Variants in ANXA2 observed in about 807,000 individuals in gnomAD.
ANXA2 encodes annexin A2.
Under a neutral mutation model 47.3 loss-of-function variants are expected in ANXA2, and 28 were observed. The observed-to-expected ratio is 0.59, with a 90% confidence interval of 0.44 to 0.81. ANXA2 has a LOEUF of 0.81. Among genes scored for constraint, ANXA2 ranks in the 40% least tolerant of loss-of-function variants. ANXA2 has a pLI of 0.00. For missense variants in ANXA2, 384 were observed against 414.3 expected, an observed-to-expected ratio of 0.93 and a Z score of 0.64; for synonymous variants, 172 against 155.5, an observed-to-expected ratio of 1.11 and a Z score of -0.79.
intron 1 of ANXA2, 93 bp downstream of exon 1, chr15:60,397,850 G>C: frequency 1.4e-6 from 2 of 1,389,306 alleles, no homozygotes; most frequent in South Asian, 1.6e-5. Flanking sequence ...CAGTTGCCGG[G>C]GCCTCCCTGC....
chr15:60,349,320 T>G, intron 11 of ANXA2, 123 bp from the exon 12 acceptor site: 1 of 1,028,168 alleles, frequency 9.7e-7, no homozygotes, highest in Admixed American at 2.2e-5. Context: ...TCCAAAACTT[T>G]TTCAGTGCCG....
intron 3 of ANXA2, among the ~76,000 whole-genome samples, chr15:60,366,403 G>GCGCCTCTTCCCGGCCGGCCGC (rs1204625106): frequency 6.7e-6 from 1 of 150,362 alleles, no homozygotes; most frequent in Non-Finnish European, 1.5e-5. Flanking sequence ...GAAGTGAGGA[G>GCGCCTCTTCCCGGCCGGCCGC]CATCTCTGCG....
chr15:60,357,809 T>C (rs935956745), intron 5 of ANXA2, among the ~76,000 whole-genome samples: 1 of 149,432 alleles, frequency 6.7e-6, no homozygotes, highest in Non-Finnish European at 1.5e-5. Flanking sequence ...AAAAAAAAAG[T>C]AGTGAATAGG....
chr15:60,377,653 C>G (rs1229419338), intron 3 of ANXA2, among the ~76,000 whole-genome samples: 1 of 152,078 alleles, frequency 6.6e-6, no homozygotes, highest in Non-Finnish European at 1.5e-5. Flanking sequence ...AATGCTGGCA[C>G]AGAGACAAAG....
intron 12 of ANXA2, among the ~76,000 whole-genome samples, chr15:60,348,823 T>A (rs1314418636): frequency 6.6e-6 from 1 of 151,892 alleles, no homozygotes; most frequent in African/African-American, 2.4e-5. Context: ...AGGATCATCG[T>A]CATGAACACC....
rs555888299 is a variant in ANXA2, at chr15:60,375,920, A to G, written c.148+6422T>C. ...ATGCTGTGCACTGGCCCAGGCTGAG[A>G]GGTAAATGGGAACTGCGCAGATGTT... On this transcript the variant is annotated intron_variant, in intron 3 of 12. Transcript: ENST00000451270. Among the ~76,000 whole-genome samples the G allele has an allele frequency of 7.7e-4, 117 of 152,234 alleles. No individual in the cohort carries two copies. In the Middle Eastern group the frequency reaches 0.01, roughly 13 times the overall value.
Position 60,352,189 on chromosome 15 carries a change from C to T in ANXA2, c.682+194G>A, listed in dbSNP as rs763612094. Among the ~76,000 whole-genome samples the T allele has an allele frequency of 2.6e-5, 4 of 152,168 alleles. No homozygotes were observed. Among genetic ancestry groups the T allele is most frequent in the Non-Finnish European group, 4.4e-5 (3 of 68,032 alleles). ...CAAGAAGGAGCTGCAGAATAAAGCA[C>T]CAAATGCAGAAACTATTTGCAAGAG... On this transcript the variant is annotated intron_variant, in intron 9 of 12. Transcript: ENST00000451270. The surrounding 1 kb of genome is among the most constrained non-coding windows in gnomAD (Gnocchi z 4.2).
At chr15:60,380,804 CAAAAAA>C (rs61570476) in intron 3 of ANXA2, among the ~76,000 whole-genome samples, 3 of 61,196 alleles carry the variant, frequency 4.9e-5, no homozygotes, top group African/African-American at 1.3e-4. Context: ...AACTCCATCT[CAAAAAA>C]AAAAAAAAAA....
At chr15:60,361,610 A>G (rs1420567259) in intron 4 of ANXA2, 1 of 153,354 alleles carries the variant, frequency 6.5e-6, no homozygotes, top group Non-Finnish European at 1.5e-5. Context: ...ACTTCATCTA[A>G]TACTGAGAAA....
chr15:60,350,382 C>T (rs1329744505), intron 11 of ANXA2, among the ~76,000 whole-genome samples: 3 of 152,102 alleles, frequency 2.0e-5, no homozygotes, highest in Non-Finnish European at 4.4e-5. Flanking sequence ...CTGACTCTTG[C>T]AGGCTTAGAG....
At position 60,380,848 on chromosome 15, in the gene ANXA2, T is replaced by C. The variant is rs190025423; in HGVS notation, c.148+1494A>G. 3.3e-5 allele frequency among the ~76,000 whole-genome samples: 5 copies of C among 150,550 alleles called. No homozygotes were observed. In the East Asian group the frequency reaches 7.8e-4, roughly 24 times the overall value. ...AAAGATTTTTTTTTTAAAGGTCTAA[T>C]TTGGATGCTTCATTATTCTGCCCTC... On this transcript the variant is annotated intron_variant, in intron 3 of 12. Transcript: ENST00000451270.
At chr15:60,378,703 T>C in intron 3 of ANXA2, among the ~76,000 whole-genome samples, 1 of 152,172 alleles carries the variant, frequency 6.6e-6, no homozygotes, top group East Asian at 1.9e-4. Flanking sequence ...CGGTGTCTCA[T>C]ACCTGTAATC....
At chr15:60,386,267 T>C (rs1371758646) in intron 1 of ANXA2, 181 bp from the exon 2 acceptor site, 1 of 583,924 alleles carries the variant, frequency 1.7e-6, no homozygotes, top group Admixed American at 3.3e-5. Context: ...AGAGATGGTC[T>C]GCCTTGGGTT....
chr15:60,369,822 C>A (rs1266830670), intron 3 of ANXA2, among the ~76,000 whole-genome samples: 1 of 152,190 alleles, frequency 6.6e-6, no homozygotes, highest in Non-Finnish European at 1.5e-5. Flanking sequence ...GTCACTTCTA[C>A]CAACTGCTTT....
At chr15:60,382,318 G>A (rs746377819) in intron 3 of ANXA2, 24 bp downstream of exon 3, 11 of 1,578,744 alleles carry the variant, frequency 7.0e-6, no homozygotes, top group Non-Finnish European at 9.6e-6. Context: ...ACCCTGACAA[G>A]AAGAGGACAA....
chr15:60,351,095 C>G (rs754647150), intron 11 of ANXA2, 98 bp downstream of exon 11: 5 of 1,265,350 alleles, frequency 4.0e-6, no homozygotes, highest in Non-Finnish European at 5.7e-6. Flanking sequence ...ACAGTGGGGT[C>G]CCCTTCCTCC....
intron 3 of ANXA2, among the ~76,000 whole-genome samples, chr15:60,365,215 A>C (rs1325032812): frequency 6.6e-6 from 1 of 151,896 alleles, no homozygotes; most frequent in Non-Finnish European, 1.5e-5. Context: ...TCTAAATTAA[A>C]TCTAAATTGG....
chr15:60,379,508 G>A (rs536327699), intron 3 of ANXA2, among the ~76,000 whole-genome samples: 17 of 152,216 alleles, frequency 1.1e-4, no homozygotes, highest in Admixed American at 9.2e-4. Context: ...TTCCTCACAG[G>A]TGAGTGCTAC....
At chr15:60,387,383 G>A (rs1018774975) in intron 1 of ANXA2, among the ~76,000 whole-genome samples, 10 of 152,170 alleles carry the variant, frequency 6.6e-5, no homozygotes, top group African/African-American at 2.4e-4. Flanking sequence ...CCCACCGTTG[G>A]GGTATAATTC....
Sources: allele counts gnomAD v4.1 joint callset (sites outside exome capture counted in the v4.1 genomes callset), GRCh38; gene constraint gnomAD v4.1.1; non-coding constraint Gnocchi (gnomAD v3.1); transcripts MANE v1.5; gene names NCBI Gene and HGNC (gene_info 2026-07-23, HGNC 2026-07-21).